The following RNF125 variants were observed in gnomAD, a reference collection of about 807,000 sequenced individuals.
RNF125 encodes ring finger protein 125.
RNF125 carries 21 observed loss-of-function variants against 26.0 expected under a neutral mutation model. The observed-to-expected ratio is 0.81, with a 90% confidence interval of 0.57 to 1.16. RNF125 has a LOEUF of 1.16. RNF125 is among the 50% of genes most tolerant of loss of function. The probability of loss-of-function intolerance (pLI) is 0.00; values close to 1 mark genes in which losing one functional copy is unlikely to be tolerated. For synonymous variants in RNF125, 95 were observed against 109.2 expected, an observed-to-expected ratio of 0.87 and a Z score of 0.81; for missense variants, 270 against 299.4, an observed-to-expected ratio of 0.90 and a Z score of 0.72.
At chr18:32,053,564 G>C (rs115991052) in intron 4 of RNF125, among the ~76,000 whole-genome samples, 5,475 of 151,700 alleles carry the variant, frequency 0.036, 335 homozygotes, top group African/African-American at 0.13. Flanking sequence ...GATCACTTGT[G>C]GTCAGGAGGT....
chr18:32,040,515 C>A (rs1168037229), intron 2 of RNF125, among the ~76,000 whole-genome samples: 5 of 152,002 alleles, frequency 3.3e-5, no homozygotes, highest in Non-Finnish European at 5.9e-5. Context: ...GGTAATCCAC[C>A]CACTTCAGCC....
intron 1 of RNF125, among the ~76,000 whole-genome samples, chr18:32,032,109 C>G (rs1054003874): frequency 6.6e-6 from 1 of 150,832 alleles, no homozygotes; most frequent in Admixed American, 6.6e-5. Flanking sequence ...CGGAGTCTTC[C>G]TCTGTCACCC....
chr18:32,030,129 C>T (rs2039077704), intron 1 of RNF125, among the ~76,000 whole-genome samples: 1 of 152,206 alleles, frequency 6.6e-6, no homozygotes, highest in Admixed American at 6.6e-5. Context: ...ACTGCAACCT[C>T]CACCTCCTGG....
At chr18:32,066,606 G>T (rs1193677711) in intron 5 of RNF125, among the ~76,000 whole-genome samples, 1 of 152,190 alleles carries the variant, frequency 6.6e-6, no homozygotes, top group Non-Finnish European at 1.5e-5. Flanking sequence ...CTAGTTTTAA[G>T]CAATAGCTCT....
intron 1 of RNF125, among the ~76,000 whole-genome samples, chr18:32,025,664 C>CAAAAAAAAA (rs34054474): frequency 3.1e-5 from 2 of 65,196 alleles, no homozygotes; most frequent in Non-Finnish European, 7.5e-5. Flanking sequence ...AACTCTGTCT[C>CAAAAAAAAA]AAAAAAAAAA....
Position 32,050,865 on chromosome 18 carries a change from C to CTTTTTTTTTTTTTTTTTTT in RNF125, c.504+5149_504+5167dup, listed in dbSNP as rs531751585. Among the ~76,000 whole-genome samples, 5 of 46,342 alleles carry CTTTTTTTTTTTTTTTTTTT rather than the reference C, an allele frequency of 1.1e-4. 1 individual carries two copies. The highest frequency in any genetic ancestry group is 3.1e-4 in the African/African-American group (4 of 12,958). The allele number at this position is 46,342 out of a possible 152,430, so 30.4% of individuals were successfully genotyped here. A position where few individuals can be genotyped will look rare whatever the true frequency, so the allele number is the denominator to read the frequency against. On this transcript the variant is annotated intron_variant, in intron 4 of 5. Transcript: ENST00000217740. ...CCAGCTAGTCTCTCGGTCTAGAGTG[C>CTTTTTTTTTTTTTTTTTTT]TTTTTTTTTTTTTTTTTTTTTTTTT... is the stretch of plus-strand genomic sequence containing the variant.
At chr18:32,086,590 A>G in the RNF125 span, among the ~76,000 whole-genome samples, 1 of 151,454 alleles carries the variant, frequency 6.6e-6, no homozygotes, top group South Asian at 2.1e-4. Context: ...GCATGATCTC[A>G]GCGCATCGCA....
chr18:32,083,853 T>C, the RNF125 span, among the ~76,000 whole-genome samples: 1 of 150,510 alleles, frequency 6.6e-6, no homozygotes, highest in Non-Finnish European at 1.5e-5. Context: ...CAGTGAGCTA[T>C]GATTGTGCCA....
chr18:32,062,087 A>T (rs1326552712), intron 4 of RNF125, among the ~76,000 whole-genome samples: 1 of 152,228 alleles, frequency 6.6e-6, no homozygotes, highest in African/African-American at 2.4e-5. Flanking sequence ...CACACTGAAG[A>T]CATTATCTGT....
Position 32,072,987 on chromosome 18 carries a change from T to G in RNF125, c.*4603T>G, listed in dbSNP as rs1309619188. ...TCATTTGGAAGTGAACTTACTCCAGTTATTGAATGTTTATCATATCATAAT... is the reference window on the plus strand; with the variant it reads ...TCATTTGGAAGTGAACTTACTCCAGGTATTGAATGTTTATCATATCATAAT... On this transcript the variant is annotated 3_prime_UTR_variant, in exon 6 of 6. Coordinates refer to ENST00000217740, the MANE Select transcript of RNF125 (RefSeq NM_017831.4). 1 of 148,880 alleles carries G rather than the reference T, an allele frequency of 6.7e-6. No individual in the cohort carries two copies. The highest frequency in any genetic ancestry group is 2.5e-5 in the African/African-American group (1 of 39,904). 9.2% of individuals were successfully genotyped at this position (148,880 alleles called of 1,614,324 possible).
At chr18:32,040,222 G>C (rs1205371528) in intron 2 of RNF125, among the ~76,000 whole-genome samples, 1 of 150,828 alleles carries the variant, frequency 6.6e-6, no homozygotes, top group East Asian at 1.9e-4. Context: ...TCCATTCCTT[G>C]AGGCCTGGCC....
Position 32,070,471 on chromosome 18 carries a change from T to C in RNF125, c.*2087T>C, listed in dbSNP as rs2144522911. The C allele has an allele frequency of 6.6e-6, 1 of 152,326 alleles. No individual in the cohort carries two copies. The highest frequency in any genetic ancestry group is 2.1e-4 in the South Asian group (1 of 4,824). 9.4% of individuals were successfully genotyped at this position (152,326 alleles called of 1,614,324 possible). On this transcript the variant is annotated 3_prime_UTR_variant, in exon 6 of 6. Coordinates refer to ENST00000217740, the MANE Select transcript of RNF125 (RefSeq NM_017831.4). Reference sequence around the variant, plus strand: ...TAGGCGTGAGCCACTGTGCCCGGCCTACAGGGTTTTTATCTAACCTTTCTG... The same window carrying C: ...TAGGCGTGAGCCACTGTGCCCGGCCCACAGGGTTTTTATCTAACCTTTCTG...
intron 1 of RNF125, among the ~76,000 whole-genome samples, chr18:32,020,853 G>A (rs1434390232): frequency 1.3e-5 from 2 of 151,716 alleles, no homozygotes. Context: ...AGGTTGCAGT[G>A]AGCTGAGATG....
intron 4 of RNF125, among the ~76,000 whole-genome samples, chr18:32,058,385 G>A (rs149666166): frequency 0.022 from 3,348 of 151,400 alleles, 124 homozygotes; most frequent in African/African-American, 0.078. Context: ...TCGTTCTGTC[G>A]CCCAGGCTAG....
chr18:32,057,796 A>T (rs942515756), intron 4 of RNF125, among the ~76,000 whole-genome samples: 8 of 152,270 alleles, frequency 5.3e-5, no homozygotes, highest in Non-Finnish European at 8.8e-5. Context: ...AAACTTTATC[A>T]TGCATGAGAA....
chr18:32,090,743 A>C, the RNF125 span, among the ~76,000 whole-genome samples: 8 of 152,356 alleles, frequency 5.3e-5, no homozygotes, highest in East Asian at 1.5e-3. Flanking sequence ...TCTGCATAAC[A>C]CCTAACAATG....
At chr18:32,084,093 C>T in the RNF125 span, among the ~76,000 whole-genome samples, 1 of 151,608 alleles carries the variant, frequency 6.6e-6, no homozygotes, top group Admixed American at 6.6e-5. Context: ...CGGTGGCTTA[C>T]ACCTGTAATC....
chr18:32,056,423 C>T (rs560057233), intron 4 of RNF125, among the ~76,000 whole-genome samples: 1 of 151,814 alleles, frequency 6.6e-6, no homozygotes, highest in Non-Finnish European at 1.5e-5. Context: ...ACCAGCCTGA[C>T]CAATATAGAG....
At chr18:32,051,538 C>T (rs1044449380) in intron 4 of RNF125, among the ~76,000 whole-genome samples, 2 of 149,982 alleles carry the variant, frequency 1.3e-5, no homozygotes, top group Non-Finnish European at 3.0e-5. Flanking sequence ...TCGCGTGAAC[C>T]CAGGAAGCGG....
Sources: allele counts gnomAD v4.1 joint callset (sites outside exome capture counted in the v4.1 genomes callset), GRCh38; gene constraint gnomAD v4.1.1; transcripts MANE v1.5; gene names NCBI Gene and HGNC (gene_info 2026-07-23, HGNC 2026-07-21).